MYRIP: variants seen among roughly 807,000 people sequenced by gnomAD.
The protein encoded by MYRIP is myosin VIIA and Rab interacting protein, also known as rab effector MyRIP.
Under a neutral mutation model 98.0 loss-of-function variants are expected in MYRIP, and 49 were observed. That is an observed-to-expected ratio of 0.50 (90% CI 0.40 to 0.63). The LOEUF (loss-of-function observed/expected upper bound fraction) is 0.63, where lower values mean the gene tolerates loss of function less well. Among genes scored for constraint, MYRIP ranks in the 30% least tolerant of loss-of-function variants. The pLI is 0.00. For missense variants in MYRIP, 1,004 were observed against 1,058.2 expected, an observed-to-expected ratio of 0.95 and a Z score of 0.71; for synonymous variants, 404 against 409.5, an observed-to-expected ratio of 0.99 and a Z score of 0.16.
chr3:39,997,387 C>G (rs1186819164), intron 2 of MYRIP, among the ~76,000 whole-genome samples: 2 of 152,008 alleles, frequency 1.3e-5, no homozygotes, highest in Non-Finnish European at 2.9e-5. Flanking sequence ...AAACTACCAT[C>G]AGAGAATACT....
chr3:39,811,438 A>T (rs577608816), intron 1 of MYRIP, among the ~76,000 whole-genome samples: 7 of 152,272 alleles, frequency 4.6e-5, no homozygotes, highest in Admixed American at 3.3e-4. Flanking sequence ...AATTTAAAAA[A>T]TTTTACAGCA....
At chr3:40,030,800 T>G (rs1947243501) in intron 2 of MYRIP, among the ~76,000 whole-genome samples, 1 of 151,992 alleles carries the variant, frequency 6.6e-6, no homozygotes, top group Non-Finnish European at 1.5e-5. Context: ...GAAAGTAGAT[T>G]AGTGGTTTGC....
intron 2 of MYRIP, among the ~76,000 whole-genome samples, chr3:40,039,511 T>A (rs1947461967): frequency 6.6e-6 from 1 of 151,910 alleles, no homozygotes; most frequent in Non-Finnish European, 1.5e-5. Context: ...AACATGAAGA[T>A]CAGTGGGGGA....
At chr3:40,045,660 G>A (rs1213486539) in intron 3 of MYRIP, among the ~76,000 whole-genome samples, 1 of 152,194 alleles carries the variant, frequency 6.6e-6, no homozygotes, top group Non-Finnish European at 1.5e-5. Flanking sequence ...AGAAATAAGA[G>A]TAGATCTAAA....
intron 1 of MYRIP, among the ~76,000 whole-genome samples, chr3:39,877,764 C>A: frequency 6.6e-6 from 1 of 152,272 alleles, no homozygotes; most frequent in South Asian, 2.1e-4. Context: ...TGGGGGGTAC[C>A]TCCCAGTTAG....
At chr3:39,991,921 T>C (rs891857624) in intron 2 of MYRIP, among the ~76,000 whole-genome samples, 3 of 152,320 alleles carry the variant, frequency 2.0e-5, no homozygotes, top group South Asian at 4.1e-4. Context: ...GAATAGTGCA[T>C]AGTGCACACT....
At chr3:39,998,393 C>T (rs533410643) in intron 2 of MYRIP, among the ~76,000 whole-genome samples, 90 of 152,252 alleles carry the variant, frequency 5.9e-4, no homozygotes, top group African/African-American at 2.1e-3. Flanking sequence ...CAATAGCAGA[C>T]AAACAGCCAA....
At position 40,250,205 on chromosome 3, in the gene MYRIP, CTT is replaced by C; in HGVS notation, c.2263-15_2263-14del. 1.3e-6 allele frequency: 2 copies of C among 1,580,068 alleles called. No homozygotes were observed. Among genetic ancestry groups the C allele is most frequent in the Non-Finnish European group, 1.7e-6 (2 of 1,150,216 alleles). ...CGTATTTTCTCCCTGCCAATCTTGT[CTT>C]TCTGTTGCTTTAAGATTTCAGATAT... On this transcript the variant is annotated splice_polypyrimidine_tract_variant and intron_variant, in intron 13 of 16. Coordinates refer to ENST00000302541, the MANE Select transcript of MYRIP (RefSeq NM_015460.4).
chr3:40,118,479 T>G (rs1275872821), intron 3 of MYRIP, among the ~76,000 whole-genome samples: 1 of 152,142 alleles, frequency 6.6e-6, no homozygotes, highest in African/African-American at 2.4e-5. Context: ...TTAAATTAAT[T>G]ATGGAATGGT....
intron 5 of MYRIP, among the ~76,000 whole-genome samples, chr3:40,165,104 C>T (rs930351162): frequency 6.6e-6 from 1 of 152,204 alleles, no homozygotes; most frequent in African/African-American, 2.4e-5. Context: ...AGGGGAGATA[C>T]AGTGTCTACC....
At chr3:40,204,911 T>G (rs1212441355) in intron 10 of MYRIP, among the ~76,000 whole-genome samples, 7 of 152,148 alleles carry the variant, frequency 4.6e-5, no homozygotes, top group Admixed American at 2.0e-4. Flanking sequence ...CCTGCTCCAA[T>G]AGAAGCCAGC....
intron 4 of MYRIP, among the ~76,000 whole-genome samples, chr3:40,160,976 G>A (rs939965044): frequency 2.7e-4 from 41 of 152,178 alleles, no homozygotes; most frequent in African/African-American, 8.4e-4. Flanking sequence ...CGTCGCTCAC[G>A]CTGGGAGCTG....
intron 2 of MYRIP, among the ~76,000 whole-genome samples, chr3:39,929,848 A>C (rs61458179): frequency 0.053 from 8,011 of 152,042 alleles, 350 homozygotes; most frequent in East Asian, 0.15. Context: ...CCTTTTGTGT[A>C]GGGCTTTTTC....
chr3:39,913,454 C>T (rs947247738), intron 2 of MYRIP, among the ~76,000 whole-genome samples: 2 of 152,034 alleles, frequency 1.3e-5, no homozygotes, highest in African/African-American at 4.8e-5. Context: ...CTTCCCTGAC[C>T]CCCAAAACTA....
At chr3:39,925,566 G>A (rs1415591151) in intron 2 of MYRIP, among the ~76,000 whole-genome samples, 1 of 152,008 alleles carries the variant, frequency 6.6e-6, no homozygotes, top group Non-Finnish European at 1.5e-5. Flanking sequence ...CCACTTATAA[G>A]TGAGAACATG....
chr3:40,086,411 G>A (rs565569178), intron 3 of MYRIP, among the ~76,000 whole-genome samples: 1 of 152,366 alleles, frequency 6.6e-6, no homozygotes, highest in South Asian at 2.1e-4. Context: ...TTCCTTTGGA[G>A]GGATGGGAAG....
At chr3:40,222,572 C>G (rs1210295821) in intron 11 of MYRIP, among the ~76,000 whole-genome samples, 2 of 151,068 alleles carry the variant, frequency 1.3e-5, no homozygotes, top group Non-Finnish European at 3.0e-5. Context: ...CTACCCCCCA[C>G]CCCCTCCCCA....
chr3:40,129,702 C>G (rs1338293897), intron 3 of MYRIP, among the ~76,000 whole-genome samples: 2 of 152,132 alleles, frequency 1.3e-5, no homozygotes, highest in Non-Finnish European at 2.9e-5. Context: ...TTAGTTTGCA[C>G]AGTGCCCTAC....
chr3:40,128,987 T>G (rs943401476), intron 3 of MYRIP, among the ~76,000 whole-genome samples: 1 of 152,202 alleles, frequency 6.6e-6, no homozygotes, highest in Admixed American at 6.5e-5. Flanking sequence ...TGTATCTGAA[T>G]TTTGAAGTAG....
Sources: allele counts gnomAD v4.1 joint callset (sites outside exome capture counted in the v4.1 genomes callset), GRCh38; gene constraint gnomAD v4.1.1; transcripts MANE v1.5; gene names NCBI Gene and HGNC (gene_info 2026-07-23, HGNC 2026-07-21).